The following AKR1B10 variants were observed in gnomAD, a reference collection of about 807,000 sequenced individuals.
AKR1B10 encodes aldo-keto reductase family 1 member B10.
AKR1B10 carries 39 observed loss-of-function variants against 38.9 expected under a neutral mutation model. The ratio of observed to expected loss-of-function variants is 1.00; its 90% CI spans 0.78 to 1.31. The LOEUF is 1.31. Ranked by LOEUF, AKR1B10 falls within the 50% of genes most tolerant of loss-of-function variation. AKR1B10 has a pLI of 0.00. For synonymous variants in AKR1B10, 148 were observed against 141.2 expected (o/e 1.05, Z -0.34); for missense variants, 361 against 382.6 (o/e 0.94, Z 0.47).
At chr7:134,538,138 A>G in intron 7 of AKR1B10, 56 bp from the exon 8 acceptor site, 1 of 1,478,160 alleles carries the variant, frequency 6.8e-7, no homozygotes. Context: ...CTTCCTTTCC[A>G]TAAAAGGAGG....
At chr7:134,535,233 C>T (rs900171849) in intron 4 of AKR1B10, among the ~76,000 whole-genome samples, 1 of 152,126 alleles carries the variant, frequency 6.6e-6, no homozygotes, top group Non-Finnish European at 1.5e-5. Context: ...CTGTCTCAGC[C>T]TCTGGTAATA....
intron 3 of AKR1B10, 133 bp from the exon 4 acceptor site, chr7:134,532,871 G>T (rs776633469): frequency 5.9e-6 from 4 of 678,764 alleles, no homozygotes; most frequent in Non-Finnish European, 1.0e-5. Context: ...CATTCCTAAA[G>T]TATGTACTCC....
intron 3 of AKR1B10, 55 bp downstream of exon 3, chr7:134,532,079 G>A: frequency 1.2e-6 from 2 of 1,601,744 alleles, no homozygotes; most frequent in South Asian, 1.1e-5. Flanking sequence ...CCAGAAAATA[G>A]TAGCTGCACC....
Position 134,527,735 on chromosome 7 carries a change from ACTCG to A in AKR1B10, c.-176_-173del. On this transcript the variant is annotated 5_prime_UTR_variant, in exon 1 of 10. Transcript: ENST00000359579. ...ACGGTGGGCGCCTGTAATCCCAGCT[ACTCG>A]GGAGGCTGAGGCAGGAGAATTGCTT... 1 of 684,970 alleles carries A rather than the reference ACTCG, an allele frequency of 1.5e-6. No individual in the cohort carries two copies. 42.4% of individuals were successfully genotyped at this position (684,970 alleles called of 1,614,324 possible).
Position 134,530,034 on chromosome 7 carries a change from AT to A in AKR1B10, c.67-600del, listed in dbSNP as rs890174512. Among the ~76,000 whole-genome samples, 871 of 151,292 alleles carry A rather than the reference AT, an allele frequency of 5.8e-3. 22 individuals carry two copies. Among genetic ancestry groups the A allele is most frequent in the Non-Finnish European group, 3.5e-3 (239 of 67,772 alleles). ...ACAAAGGCCTCATGAGGCTGGTGCT[AT>A]TTTTTTTTCCATTTTGCATACAAGG... On this transcript the variant is annotated intron_variant, in intron 1 of 9. Transcript: ENST00000359579.
At chr7:134,539,733 A>G (rs535821853) in intron 9 of AKR1B10, among the ~76,000 whole-genome samples, 5 of 152,140 alleles carry the variant, frequency 3.3e-5, no homozygotes, top group South Asian at 2.1e-4. Flanking sequence ...AAAATCTTAG[A>G]TAAGTGGTGA....
chr7:134,535,220 C>T (rs891524033), intron 4 of AKR1B10, among the ~76,000 whole-genome samples: 7 of 152,118 alleles, frequency 4.6e-5, no homozygotes, highest in Admixed American at 4.6e-4. Context: ...TCAAGCAATC[C>T]TCCTGTCTCA....
intron 8 of AKR1B10, among the ~76,000 whole-genome samples, chr7:134,538,628 G>C (rs1162546304): frequency 6.6e-6 from 1 of 152,164 alleles, no homozygotes; most frequent in Non-Finnish European, 1.5e-5. Flanking sequence ...GAGGAGGTGT[G>C]AACTGTCCTT....
At chr7:134,533,608 ATTGT>A (rs1286063713) in intron 4 of AKR1B10, among the ~76,000 whole-genome samples, 2 of 152,162 alleles carry the variant, frequency 1.3e-5, no homozygotes, top group Non-Finnish European at 2.9e-5. Flanking sequence ...TGAAACCTAG[ATTGT>A]TTGATGACTT....
chr7:134,529,861 G>T (rs973707688), intron 1 of AKR1B10, among the ~76,000 whole-genome samples: 5 of 150,510 alleles, frequency 3.3e-5, no homozygotes, highest in African/African-American at 1.2e-4. Flanking sequence ...CTTTTTACAG[G>T]AGTGGAAAAC....
At position 134,537,224 on chromosome 7, in the gene AKR1B10, T is replaced by C. The variant is rs1376765696; in HGVS notation, c.659+67T>C. 2.1e-5 allele frequency: 33 copies of C among 1,539,184 alleles called. No homozygotes were observed. The Middle Eastern group carries it at 1.2e-3, about 56-fold the overall frequency. The stretch of plus-strand genomic sequence containing the variant: ...AAAACATTATTTTATAATTGGTAAA[T>C]GTTGGTATGGGTCCATAAGTTACTG... On this transcript the variant is annotated intron_variant, in intron 6 of 9. Coordinates refer to ENST00000359579, the MANE Select transcript of AKR1B10 (RefSeq NM_020299.5).
chr7:134,538,455 G>T lies in AKR1B10; in HGVS notation c.825+178G>T, dbSNP rs113578518. ...TAGAGCTGAGATGAATGACCCATGG[G>T]CTAAGGACATCCTGGGGGCAGTGCC... On this transcript the variant is annotated intron_variant, in intron 8 of 9. Coordinates refer to ENST00000359579, the MANE Select transcript of AKR1B10 (RefSeq NM_020299.5). Among the ~76,000 whole-genome samples the T allele has an allele frequency of 5.8e-3, 887 of 152,222 alleles. 4 individuals are homozygous for T. Among genetic ancestry groups the T allele is most frequent in the African/African-American group, 0.02 (836 of 41,548 alleles).
rs370215939 is a variant in AKR1B10 at position 134,537,593 on chromosome 7, G to T, written c.673G>T (p.Asp225Tyr). ...TTCTGCCCCTAGGGCCAAGCCAGAAGACCCTTCCCTGCTGGAGGATCCCAA... is the reference window on the plus strand; with the variant it reads ...TTCTGCCCCTAGGGCCAAGCCAGAATACCCTTCCCTGCTGGAGGATCCCAA... ...SPDRPWAKPE[D>Y]PSLLEDPKIK... Residue 225 changes from aspartate (D) to tyrosine (Y), a missense_variant, in exon 7 of 10, where the codon GAC (aspartate) becomes TAC (tyrosine). Physicochemically the swap from Asp to Tyr is radical, Grantham distance 160. Around this residue, in one of 3 missense-constraint regions of AKR1B10, gnomAD observed 132 missense variants for 134.6 expected, o/e 0.98. Coordinates refer to ENST00000359579, the MANE Select transcript of AKR1B10 (RefSeq NM_020299.5). 6.8e-6 allele frequency: 11 copies of T among 1,613,818 alleles called. No individual in the cohort carries two copies. The highest frequency in any genetic ancestry group is 9.3e-6 in the Non-Finnish European group (11 of 1,179,904).
At chr7:134,528,695 A>G (rs1039253531) in intron 1 of AKR1B10, among the ~76,000 whole-genome samples, 1 of 152,256 alleles carries the variant, frequency 6.6e-6, no homozygotes, top group South Asian at 2.1e-4. Context: ...ACTGCACTCC[A>G]GTCTGGGCAA....
chr7:134,539,178 G>A (rs749808651), intron 9 of AKR1B10, 161 bp downstream of exon 9: 23 of 735,508 alleles, frequency 3.1e-5, no homozygotes, highest in Non-Finnish European at 5.0e-5. Flanking sequence ...GAATCACTGT[G>A]AGGGACACAT....
chr7:134,530,644 C>T lies in AKR1B10; in HGVS notation c.68C>T (p.Ser23Phe), dbSNP rs138887023. 8.6e-5 allele frequency: 138 copies of T among 1,613,872 alleles called. No homozygotes were observed. The East Asian group carries it at 2.8e-3, about 33-fold the overall frequency. ...MPIVGLGTWK[S>F]PLGKVKEAVK... ...ATGAGCTTTTCTTTTGCCTTTCAGT[C>T]TCCTCTTGGCAAAGTGAAAGAAGCA... Residue 23 changes from serine (S) to phenylalanine (F), a missense_variant and splice_region_variant, in exon 2 of 10, where the codon TCT becomes TTT. Ser to Phe is a radical substitution (Grantham distance 155). Coordinates refer to ENST00000359579, the MANE Select transcript of AKR1B10 (RefSeq NM_020299.5).
chr7:134,535,941 T>C (rs1283465562), intron 4 of AKR1B10, among the ~76,000 whole-genome samples: 2 of 152,220 alleles, frequency 1.3e-5, no homozygotes, highest in Non-Finnish European at 2.9e-5. Context: ...GTTTGGAAAA[T>C]GCCCAATATA....
intron 4 of AKR1B10, among the ~76,000 whole-genome samples, chr7:134,536,360 G>A (rs1808002037): frequency 2.4e-3 from 1 of 420 alleles, no homozygotes; most frequent in Non-Finnish European, 4.7e-3. Flanking sequence ...TTTCCCCTGT[G>A]TACAGGAAGT....
chr7:134,539,520 T>C (rs1339412055), intron 9 of AKR1B10, among the ~76,000 whole-genome samples: 1 of 152,114 alleles, frequency 6.6e-6, no homozygotes, highest in Non-Finnish European at 1.5e-5. Context: ...ACTGATCCTT[T>C]ATACAGGGTG....
Sources: allele counts gnomAD v4.1 joint callset (sites outside exome capture counted in the v4.1 genomes callset), GRCh38; gene constraint gnomAD v4.1.1; regional missense constraint gnomAD v4.1.1; transcripts MANE v1.5; gene names NCBI Gene and HGNC (gene_info 2026-07-23, HGNC 2026-07-21).